MTR: variants seen among roughly 807,000 people sequenced by gnomAD.
MTR encodes the protein methionine synthase.
A neutral mutation model predicts 154.8 loss-of-function variants in MTR; 84 were observed. The observed-to-expected ratio is 0.54, with a 90% CI of 0.45 to 0.65. The LOEUF (loss-of-function observed/expected upper bound fraction) is 0.65, where lower values mean the gene tolerates loss of function less well. Among genes scored for constraint, MTR ranks in the 30% least tolerant of loss-of-function variants. The pLI is 0.00. For missense variants in MTR, 1,275 were observed against 1,570.2 expected, an observed-to-expected ratio of 0.81 and a Z score of 3.18; for synonymous variants, 554 against 553.9, an observed-to-expected ratio of 1.00 and a Z score of 0.00.
At chr1:236,880,958 C>G (rs1665699980) in intron 25 of MTR, 122 bp downstream of exon 25, 1 of 998,896 alleles carries the variant, frequency 1.0e-6, no homozygotes, top group Non-Finnish European at 1.6e-6. Flanking sequence ...AAAGAGCAGC[C>G]TGAGGCTCAT....
intron 15 of MTR, among the ~76,000 whole-genome samples, chr1:236,846,943 G>T (rs1400129224): frequency 6.6e-6 from 1 of 152,036 alleles, no homozygotes; most frequent in Non-Finnish European, 1.5e-5. Flanking sequence ...CTGAAGTGCG[G>T]TGGCGTGATC....
Position 236,838,432 on chromosome 1 carries a change from T to G in MTR, c.1348T>G (p.Ser450Ala), listed in dbSNP as rs773576797. 141 of 1,614,032 alleles carry G rather than the reference T, an allele frequency of 8.7e-5. No individual in the cohort carries two copies. Among genetic ancestry groups the G allele is most frequent in the Non-Finnish European group, 1.2e-4 (136 of 1,180,022 alleles). The change falls in exon 15 of 33, where the codon TCC becomes GCC. Residue 450 changes from serine (S) to alanine (A), a missense_variant. Transcript: ENST00000366577. ...ATCTCAGGTACCTTTGTGCATCGAC[T>G]CCTCCAATTTTGCTGTGATTGAAGC... is the stretch of plus-strand genomic sequence containing the variant. ...DIAKVPLCIDSSNFAVIEAGL... is the reference protein window; with the variant it reads ...DIAKVPLCIDASNFAVIEAGL...
At chr1:236,803,689 A>C (rs919127081) in intron 2 of MTR, 47 bp downstream of exon 2, 5 of 1,572,098 alleles carry the variant, frequency 3.2e-6, no homozygotes, top group Non-Finnish European at 3.5e-6. Context: ...GTTATTCTGC[A>C]AGCTGTTTCA....
At chr1:236,803,769 G>A in intron 2 of MTR, 127 bp downstream of exon 2, 1 of 951,200 alleles carries the variant, frequency 1.1e-6, no homozygotes, top group Admixed American at 2.0e-5. Flanking sequence ...TATTCAGAAA[G>A]CAGGTTTTGG....
At chr1:236,883,725 G>A (rs1381969670) in intron 25 of MTR, among the ~76,000 whole-genome samples, 3 of 152,122 alleles carry the variant, frequency 2.0e-5, no homozygotes, top group African/African-American at 7.2e-5. Flanking sequence ...TTTTCTGATT[G>A]TATTCCTGAA....
intron 25 of MTR, among the ~76,000 whole-genome samples, chr1:236,882,965 A>C (rs1417446820): frequency 6.6e-6 from 1 of 152,190 alleles, no homozygotes; most frequent in Non-Finnish European, 1.5e-5. Flanking sequence ...GGCTCTTTTG[A>C]TCTAACTGAA....
chr1:236,815,717 G>A, intron 7 of MTR, 54 bp downstream of exon 7: 3 of 1,566,122 alleles, frequency 1.9e-6, no homozygotes, highest in Non-Finnish European at 2.6e-6. Context: ...TTGTCCTTTT[G>A]AGCATGTTTT....
rs757358617 is a variant in MTR, at chr1:236,880,844, G to A, written c.2676+8G>A. On this transcript the variant is annotated splice_region_variant and intron_variant, in intron 25 of 32. Transcript: ENST00000366577. The stretch of plus-strand genomic sequence containing the variant: ...TCCAAGAGTGTGGTGGTGGTAAGTG[G>A]GTGACCTTACATTTTATTCCAGATG... 1.2e-6 allele frequency: 2 copies of A among 1,612,264 alleles called. No individual in the cohort carries two copies. Among genetic ancestry groups the A allele is most frequent in the South Asian group, 2.2e-5 (2 of 91,050 alleles).
In MTR at chr1:236,897,760, G is replaced by A. The variant is rs543087288; in HGVS notation, c.*116G>A. On this transcript the variant is annotated 3_prime_UTR_variant, in exon 33 of 33. Transcript: ENST00000366577. ...GTGTGCATCTGGCTGACACTTACCTGCTTCTGGTTTTCGAAGACTATTTAG... is the reference window on the plus strand; with the variant it reads ...GTGTGCATCTGGCTGACACTTACCTACTTCTGGTTTTCGAAGACTATTTAG... 3.0e-4 allele frequency: 263 copies of A among 876,154 alleles called. 1 individual carries two copies. The African/African-American group carries it at 4.1e-3, about 14-fold the overall frequency. The allele number at this position is 876,154 out of a possible 1,614,324, so 54.3% of individuals were successfully genotyped here.
rs185742584 is a variant in MTR, at chr1:236,878,942, C to T, written c.2595-1813C>T. On this transcript the variant is annotated intron_variant, in intron 24 of 32. Coordinates refer to ENST00000366577, the MANE Select transcript of MTR (RefSeq NM_000254.3). ...ATGCCTGAATGCCCATCTTCCAGCTCAGTTCTCATAGCCTAAGGCTTTGTA... is the reference window on the plus strand; with the variant it reads ...ATGCCTGAATGCCCATCTTCCAGCTTAGTTCTCATAGCCTAAGGCTTTGTA... 7.8e-4 allele frequency among the ~76,000 whole-genome samples: 119 copies of T among 152,364 alleles called. 3 individuals carry two copies. The highest frequency in any genetic ancestry group is 2.8e-3 in the African/African-American group (117 of 41,578).
At chr1:236,835,463 TG>T (rs947408098) in intron 13 of MTR, 83 bp from the exon 14 acceptor site, 2 of 1,545,050 alleles carry the variant, frequency 1.3e-6, no homozygotes, top group African/African-American at 2.7e-5. Flanking sequence ...GAAGGATTGC[TG>T]GGAAGGGTAA....
intron 13 of MTR, 55 bp downstream of exon 13, chr1:236,832,133 C>A: frequency 7.4e-7 from 1 of 1,350,452 alleles, no homozygotes; most frequent in Non-Finnish European, 1.1e-6. Flanking sequence ...GGCTAGACAG[C>A]ATGTAAATGA....
chr1:236,821,653 T>G (rs952729579), intron 8 of MTR, among the ~76,000 whole-genome samples: 6 of 152,238 alleles, frequency 3.9e-5, no homozygotes, highest in Non-Finnish European at 7.3e-5. Context: ...CACGATCATC[T>G]AAATTTTTTC....
At chr1:236,808,029 A>G (rs1010199733) in intron 3 of MTR, among the ~76,000 whole-genome samples, 5 of 152,186 alleles carry the variant, frequency 3.3e-5, no homozygotes, top group African/African-American at 1.2e-4. Flanking sequence ...GTGGTTATTC[A>G]AGACACATAG....
rs1376846658 is a variant in MTR at position 236,795,391 on chromosome 1, T to C, written c.-313T>C. On this transcript the variant is annotated 5_prime_UTR_variant, in exon 1 of 33. Coordinates refer to ENST00000366577, the MANE Select transcript of MTR (RefSeq NM_000254.3). ...CGGTTTTCTCTTGGGTCCTTTTCCG[T>C]GCCGTCCCGCGACTCCGCCTCTGGC... The C allele has an allele frequency of 1.4e-6, 2 of 1,421,088 alleles. No individual in the cohort carries two copies. Among genetic ancestry groups the C allele is most frequent in the South Asian group, 1.2e-5 (1 of 82,056 alleles). 88.0% of individuals were successfully genotyped at this position (1,421,088 alleles called of 1,614,324 possible).
chr1:236,837,275 C>CT lies in MTR; in HGVS notation c.1330-1133dup, dbSNP rs144490873. Among the ~76,000 whole-genome samples, 251 of 152,210 alleles carry CT rather than the reference C, an allele frequency of 1.6e-3. 12 individuals carry two copies. The East Asian group carries it at 0.047, about 28-fold the overall frequency. ...AAGCAAAACTGGTAGCGTGCCTTTT[C>CT]TTTTTTGCTCGTTTGGTGGCGTGGC... On this transcript the variant is annotated intron_variant, in intron 14 of 32. Transcript: ENST00000366577.
In MTR at chr1:236,795,540, G is replaced by T. The variant is rs1353746648; in HGVS notation, c.-164G>T. On this transcript the variant is annotated 5_prime_UTR_variant, in exon 1 of 33. Coordinates refer to ENST00000366577, the MANE Select transcript of MTR (RefSeq NM_000254.3). ...CCCTAGGGCGCTGCGGGCTTTCGGG[G>T]TCCGCAGTCCCCCCGCGACGCGAGC... 1 of 1,534,184 alleles carries T rather than the reference G, an allele frequency of 6.5e-7. No individual in the cohort carries two copies. Among genetic ancestry groups the T allele is most frequent in the Admixed American group, 2.0e-5 (1 of 51,218 alleles).
At chr1:236,821,022 G>A (rs113161924) in intron 8 of MTR, among the ~76,000 whole-genome samples, 25 of 152,182 alleles carry the variant, frequency 1.6e-4, no homozygotes, top group African/African-American at 5.8e-4. Context: ...AGAATTCTTT[G>A]TATATTTTGG....
rs1050996 is a variant in MTR at position 236,900,035 on chromosome 1, G to C, written c.*2391G>C. On this transcript the variant is annotated 3_prime_UTR_variant, in exon 33 of 33. Coordinates refer to ENST00000366577, the MANE Select transcript of MTR (RefSeq NM_000254.3). Reference sequence around the variant, plus strand: ...CTTACAGACTTGAACATTTGCAGACGTTATGATCTTGCTTCCAACTCCCAC... The same window carrying C: ...CTTACAGACTTGAACATTTGCAGACCTTATGATCTTGCTTCCAACTCCCAC... The C allele has an allele frequency of 0.68, 170,426 of 251,730 alleles. 58,725 individuals carry two copies. The highest frequency in any genetic ancestry group is 0.82 in the East Asian group (7,892 of 9,632). 15.6% of individuals were successfully genotyped at this position (251,730 alleles called of 1,614,324 possible). A position where few individuals can be genotyped will look rare whatever the true frequency, so the allele number is the denominator to read the frequency against.
Sources: gnomAD v4.1 joint callset for allele counts (sites outside exome capture counted in the v4.1 genomes callset) on GRCh38, gnomAD v4.1.1 for gene constraint, MANE v1.5 for transcripts, NCBI Gene and HGNC (gene_info 2026-07-23, HGNC 2026-07-21) for gene names.